The following CNTN5 variants were observed in gnomAD, a reference collection of about 807,000 sequenced individuals.
CNTN5 encodes contactin-5.
In CNTN5, 77 loss-of-function variants were observed where a neutral mutation model predicts 129.1. The observed-to-expected ratio is 0.60, with a 90% CI of 0.50 to 0.72. The LOEUF (loss-of-function observed/expected upper bound fraction) is 0.72, where lower values mean the gene tolerates loss of function less well. Ranked by LOEUF, CNTN5 falls within the 30% of genes least tolerant of loss-of-function variation. The pLI, the probability that CNTN5 is intolerant of heterozygous loss-of-function variation, is 0.00. For missense variants in CNTN5, 1,478 were observed against 1,328.8 expected (o/e 1.11, Z -1.75); for synonymous variants, 509 against 465.6 (o/e 1.09, Z -1.20).
intron 7 of CNTN5, among the ~76,000 whole-genome samples, chr11:99,951,192 T>A (rs1950665022): frequency 6.6e-6 from 1 of 151,844 alleles, no homozygotes; most frequent in African/African-American, 2.4e-5. Flanking sequence ...TCCATGGTCT[T>A]ACTCAAAATG....
chr11:99,417,464 A>G (rs965742344), intron 2 of CNTN5, among the ~76,000 whole-genome samples: 1 of 152,172 alleles, frequency 6.6e-6, no homozygotes, highest in African/African-American at 2.4e-5. Flanking sequence ...ACTTGGTGTG[A>G]ATGTTAAGTT....
intron 21 of CNTN5, among the ~76,000 whole-genome samples, chr11:100,326,614 C>G (rs1951792010): frequency 2.6e-5 from 4 of 152,162 alleles, no homozygotes; most frequent in African/African-American, 9.7e-5. Context: ...CCAATCTGCC[C>G]TTTATATTTC....
chr11:99,290,421 T>C (rs1195165077), intron 1 of CNTN5, among the ~76,000 whole-genome samples: 2 of 151,832 alleles, frequency 1.3e-5, no homozygotes, highest in Non-Finnish European at 3.0e-5. Context: ...CAAAATTGAG[T>C]AAACACAAGT....
At chr11:99,510,987 G>A (rs1946813334) in intron 2 of CNTN5, among the ~76,000 whole-genome samples, 1 of 152,130 alleles carries the variant, frequency 6.6e-6, no homozygotes, top group African/African-American at 2.4e-5. Context: ...AAAGGGGCAA[G>A]ACAGTGATAC....
At chr11:99,130,443 A>T (rs4565864) in intron 1 of CNTN5, among the ~76,000 whole-genome samples, 1 of 152,242 alleles carries the variant, frequency 6.6e-6, no homozygotes, top group African/African-American at 2.4e-5. Context: ...CACCCAATAC[A>T]GGAGCACTCA....
chr11:99,824,917 C>G (rs1946906226), intron 4 of CNTN5, among the ~76,000 whole-genome samples: 1 of 151,918 alleles, frequency 6.6e-6, no homozygotes, highest in African/African-American at 2.4e-5. Flanking sequence ...TTTTTCACAT[C>G]TTTAAGCTTA....
intron 13 of CNTN5, among the ~76,000 whole-genome samples, chr11:100,101,142 A>G (rs1030471444): frequency 6.6e-6 from 1 of 152,142 alleles, no homozygotes; most frequent in Non-Finnish European, 1.5e-5. Flanking sequence ...TACCTTTAGA[A>G]TACAGGATAA....
intron 8 of CNTN5, among the ~76,000 whole-genome samples, chr11:99,993,884 C>T (rs1441664684): frequency 1.3e-5 from 2 of 152,104 alleles, no homozygotes; most frequent in African/African-American, 2.4e-5. Context: ...TATCATCACT[C>T]TTAGTGTGAT....
intron 2 of CNTN5, among the ~76,000 whole-genome samples, chr11:99,377,389 G>C (rs1220088672): frequency 1.3e-5 from 2 of 152,108 alleles, no homozygotes; most frequent in Non-Finnish European, 2.9e-5. Flanking sequence ...ATGTCTGGTA[G>C]AGAATGCTGC....
chr11:99,803,851 C>T (rs1001687711), intron 3 of CNTN5, among the ~76,000 whole-genome samples: 4 of 152,158 alleles, frequency 2.6e-5, no homozygotes, highest in African/African-American at 9.7e-5. Flanking sequence ...CTTCACTTTT[C>T]TGGTGGATTT....
At position 99,676,324 on chromosome 11, in the gene CNTN5, G is replaced by A. The variant is rs113715814; in HGVS notation, c.55+120055G>A. The stretch of plus-strand genomic sequence containing the variant: ...ATACCATAGACTACAACATAAAAAC[G>A]AAAACATTAAGTATCACAGTGGAGC... On this transcript the variant is annotated intron_variant, in intron 3 of 24. Coordinates refer to ENST00000524871, the MANE Select transcript of CNTN5 (RefSeq NM_014361.4). 8.1e-4 allele frequency among the ~76,000 whole-genome samples: 124 copies of A among 152,210 alleles called. 1 individual carries two copies. Among genetic ancestry groups the A allele is most frequent in the Non-Finnish European group, 1.2e-3 (84 of 67,990 alleles).
At chr11:99,970,073 G>T (rs1951207774) in intron 8 of CNTN5, among the ~76,000 whole-genome samples, 2 of 152,068 alleles carry the variant, frequency 1.3e-5, no homozygotes, top group African/African-American at 4.8e-5. Context: ...CTAATCTCAT[G>T]ATCACTTATG....
chr11:99,954,849 A>G (rs769904991), intron 7 of CNTN5, among the ~76,000 whole-genome samples: 1 of 152,164 alleles, frequency 6.6e-6, no homozygotes, highest in Non-Finnish European at 1.5e-5. Flanking sequence ...GCTTCACTAC[A>G]TGAAACTGAA....
intron 1 of CNTN5, among the ~76,000 whole-genome samples, chr11:99,220,986 A>G: frequency 6.6e-6 from 1 of 152,114 alleles, no homozygotes; most frequent in South Asian, 2.1e-4. Context: ...TATACAATTT[A>G]CAGATACTGT....
At chr11:99,447,265 A>G (rs1161848425) in intron 2 of CNTN5, among the ~76,000 whole-genome samples, 4 of 152,202 alleles carry the variant, frequency 2.6e-5, no homozygotes, top group South Asian at 4.1e-4. Flanking sequence ...AATGTTTGCT[A>G]TAATTATTCT....
chr11:99,616,968 G>T (rs921463977), intron 3 of CNTN5, among the ~76,000 whole-genome samples: 1 of 152,102 alleles, frequency 6.6e-6, no homozygotes, highest in Non-Finnish European at 1.5e-5. Flanking sequence ...AAAATTAGCT[G>T]GGCGTGGTGG....
At chr11:99,784,943 G>T (rs970264955) in intron 3 of CNTN5, among the ~76,000 whole-genome samples, 1 of 151,686 alleles carries the variant, frequency 6.6e-6, no homozygotes, top group Non-Finnish European at 1.5e-5. Flanking sequence ...GAGACTACAG[G>T]TGCCTACCAT....
chr11:99,391,149 G>A (rs1941238599), intron 2 of CNTN5, among the ~76,000 whole-genome samples: 1 of 151,976 alleles, frequency 6.6e-6, no homozygotes, highest in Non-Finnish European at 1.5e-5. Flanking sequence ...TCTACAATGT[G>A]AAAGGTAAAG....
chr11:100,085,657 C>T (rs1944522910), intron 13 of CNTN5, among the ~76,000 whole-genome samples: 1 of 151,932 alleles, frequency 6.6e-6, no homozygotes, highest in South Asian at 2.1e-4. Context: ...TATTGCATTA[C>T]TTTATTAAAG....
Sources: allele counts gnomAD v4.1 joint callset (sites outside exome capture counted in the v4.1 genomes callset), GRCh38; gene constraint gnomAD v4.1.1; transcripts MANE v1.5; gene names NCBI Gene and HGNC (gene_info 2026-07-23, HGNC 2026-07-21).